SHC3: variants seen among roughly 807,000 people sequenced by gnomAD.
SHC3 encodes SHC-transforming protein 3.
In SHC3, 15 loss-of-function variants were observed where a neutral mutation model predicts 60.4. That is an observed-to-expected ratio of 0.25 (90% CI 0.17 to 0.38). The LOEUF (loss-of-function observed/expected upper bound fraction) is 0.38, where lower values mean the gene tolerates loss of function less well. Among genes scored for constraint, SHC3 ranks in the 10% least tolerant of loss-of-function variants. SHC3 has a pLI of 1.00. For missense variants in SHC3, 677 were observed against 786.1 expected (o/e 0.86, Z 1.66); for synonymous variants, 294 against 325.9 (o/e 0.90, Z 1.05).
chr9:89,140,446 G>T (rs564450574), intron 1 of SHC3, among the ~76,000 whole-genome samples: 5 of 151,894 alleles, frequency 3.3e-5, no homozygotes, highest in Non-Finnish European at 5.9e-5. Flanking sequence ...GGTGGTGGGT[G>T]GGGGGGCGCA....
At chr9:89,145,050 G>A (rs1826448699) in intron 1 of SHC3, among the ~76,000 whole-genome samples, 3 of 152,254 alleles carry the variant, frequency 2.0e-5, no homozygotes, top group South Asian at 4.1e-4. Flanking sequence ...TGAAGGTTCC[G>A]GATGATGTTG....
intron 6 of SHC3, among the ~76,000 whole-genome samples, chr9:89,056,925 C>A (rs1361992120): frequency 6.6e-6 from 1 of 152,250 alleles, no homozygotes; most frequent in East Asian, 1.9e-4. Flanking sequence ...GGAAGCCACA[C>A]CCCAGCCTCA....
intron 2 of SHC3, among the ~76,000 whole-genome samples, chr9:89,103,241 GA>G (rs1825808949): frequency 7.0e-6 from 1 of 142,418 alleles, no homozygotes; most frequent in South Asian, 2.2e-4. Context: ...AGAGAGACGG[GA>G]AAAAGAGAAA....
chr9:89,124,426 T>C (rs1156893926), intron 1 of SHC3, among the ~76,000 whole-genome samples: 1 of 152,190 alleles, frequency 6.6e-6, no homozygotes, highest in Non-Finnish European at 1.5e-5. Context: ...TAGCAAAGAC[T>C]TGGAACCAAC....
intron 1 of SHC3, among the ~76,000 whole-genome samples, chr9:89,123,999 A>C (rs898423653): frequency 1.4e-4 from 22 of 152,228 alleles, no homozygotes; most frequent in African/African-American, 5.3e-4. Context: ...ATATTTAAGC[A>C]ATCATTCAAT....
chr9:89,169,051 G>T (rs780343805), intron 1 of SHC3, among the ~76,000 whole-genome samples: 4 of 152,198 alleles, frequency 2.6e-5, no homozygotes, highest in Non-Finnish European at 4.4e-5. Flanking sequence ...GGACTTGCCT[G>T]CCTCCAAAAT....
chr9:89,031,526 A>G (rs1824492516), intron 11 of SHC3, among the ~76,000 whole-genome samples: 1 of 152,236 alleles, frequency 6.6e-6, no homozygotes, highest in Non-Finnish European at 1.5e-5. Context: ...TTCACTTAGC[A>G]TAATGTTTTC....
intron 1 of SHC3, among the ~76,000 whole-genome samples, chr9:89,151,017 T>C (rs1371062510): frequency 1.4e-4 from 2 of 14,002 alleles, no homozygotes; most frequent in Admixed American, 6.6e-4. Flanking sequence ...TCTGCATGTC[T>C]TTTTTTTTTT....
intron 5 of SHC3, 96 bp downstream of exon 5, chr9:89,071,103 C>CT: frequency 8.5e-7 from 1 of 1,178,640 alleles, no homozygotes; most frequent in Non-Finnish European, 1.2e-6. Flanking sequence ...CACAATTAAC[C>CT]TTTTTTACAG....
chr9:89,007,703 C>T lies in SHC3; in HGVS notation c.*5744G>A, dbSNP rs1006058556. ...GCATGAAGGAAGATCTAAATCTGGA[C>T]TTGTTTTATCCTCCCCTTCCCTTCT... On this transcript the variant is annotated 3_prime_UTR_variant, in exon 12 of 12. Coordinates refer to ENST00000375835, the MANE Select transcript of SHC3 (RefSeq NM_016848.6). The T allele has an allele frequency of 6.6e-6, 1 of 152,302 alleles. No individual in the cohort carries two copies. Among genetic ancestry groups the T allele is most frequent in the Non-Finnish European group, 1.5e-5 (1 of 68,066 alleles). 9.4% of individuals were successfully genotyped at this position (152,302 alleles called of 1,614,324 possible).
intron 1 of SHC3, among the ~76,000 whole-genome samples, chr9:89,148,310 A>C (rs1826498923): frequency 6.6e-6 from 1 of 152,236 alleles, no homozygotes. Flanking sequence ...TTCAAGAACA[A>C]TGAGGGTTAA....
intron 2 of SHC3, among the ~76,000 whole-genome samples, chr9:89,084,588 TG>T (rs1452890615): frequency 6.6e-6 from 1 of 152,238 alleles, no homozygotes; most frequent in East Asian, 1.9e-4. Flanking sequence ...GCATCTTCAC[TG>T]GACAGATCAG....
intron 1 of SHC3, among the ~76,000 whole-genome samples, chr9:89,118,332 A>T (rs1323740485): frequency 6.6e-6 from 1 of 152,154 alleles, no homozygotes; most frequent in East Asian, 1.9e-4. Flanking sequence ...AAAGCTAAAC[A>T]ATGGAGCCCA....
intron 2 of SHC3, among the ~76,000 whole-genome samples, chr9:89,093,553 CAAA>C (rs202123276): frequency 8.8e-6 from 1 of 113,234 alleles, no homozygotes; most frequent in African/African-American, 3.3e-5. Flanking sequence ...GTAGAGTCTC[CAAA>C]AAAAAAAAAA....
rs1826139294 is a variant in SHC3, at chr9:89,124,698, G to T, written c.475-12072C>A. 2.0e-5 allele frequency among the ~76,000 whole-genome samples: 3 copies of T among 152,176 alleles called. No individual in the cohort carries two copies. The South Asian group carries it at 6.2e-4, about 32-fold the overall frequency. On this transcript the variant is annotated intron_variant, in intron 1 of 11. Transcript: ENST00000375835. ...ACCGGGGCCTGTCAGGGGGTGAGGG[G>T]AAGGGGAAGGAGAGCGTTAGGACAA...
At chr9:89,161,073 C>A (rs1587762740) in intron 1 of SHC3, among the ~76,000 whole-genome samples, 1 of 152,282 alleles carries the variant, frequency 6.6e-6, no homozygotes, top group East Asian at 1.9e-4. Context: ...CGGGCTCCTG[C>A]TCTAGGGAAG....
intron 1 of SHC3, among the ~76,000 whole-genome samples, chr9:89,172,548 C>CTT (rs945967592): frequency 1.1e-4 from 16 of 148,956 alleles, no homozygotes; most frequent in Non-Finnish European, 2.1e-4. Flanking sequence ...CACACGAAGA[C>CTT]ACAGACACAC....
chr9:89,103,893 C>T (rs1245500796), intron 2 of SHC3, among the ~76,000 whole-genome samples: 1 of 152,098 alleles, frequency 6.6e-6, no homozygotes, highest in Non-Finnish European at 1.5e-5. Context: ...CCAGAGGCTG[C>T]CTCTGTCAGG....
chr9:89,141,795 A>G (rs893210424), intron 1 of SHC3, among the ~76,000 whole-genome samples: 2 of 152,130 alleles, frequency 1.3e-5, no homozygotes, highest in Non-Finnish European at 2.9e-5. Context: ...TTGCGGTCAC[A>G]GGGCAAGATG....
Sources: allele counts gnomAD v4.1 joint callset (sites outside exome capture counted in the v4.1 genomes callset), GRCh38; gene constraint gnomAD v4.1.1; transcripts MANE v1.5; gene names NCBI Gene and HGNC (gene_info 2026-07-23, HGNC 2026-07-21).